Variants in FAM135B observed in about 807,000 individuals in gnomAD.
FAM135B encodes the protein family with sequence similarity 135 member B.
A neutral mutation model predicts 127.7 loss-of-function variants in FAM135B; 43 were observed. The observed-to-expected ratio is 0.34, with a 90% confidence interval of 0.26 to 0.43. The LOEUF (loss-of-function observed/expected upper bound fraction) is 0.43. Ranked by LOEUF, FAM135B falls within the 20% of genes least tolerant of loss-of-function variation. The pLI, the probability that FAM135B is intolerant of heterozygous loss-of-function variation, is 1.00. For synonymous variants in FAM135B, 670 were observed against 665.1 expected, an observed-to-expected ratio of 1.01 and a Z score of -0.11; for missense variants, 1,558 against 1,725.6, an observed-to-expected ratio of 0.90 and a Z score of 1.72.
intron 1 of FAM135B, among the ~76,000 whole-genome samples, chr8:138,401,351 T>C (rs1389550956): frequency 6.6e-6 from 1 of 152,236 alleles, no homozygotes; most frequent in East Asian, 1.9e-4. Context: ...CTACCATCAC[T>C]GCAACCTTAA....
chr8:138,178,666 C>T lies in FAM135B; in HGVS notation c.898G>A (p.Ala300Thr), dbSNP rs200925594. Reference sequence around the variant, plus strand: ...GCCAGATCCTTGCTTATCTGCTCAGCGATCTTCTCTGGATTGTTCAACATC... The same window carrying T: ...GCCAGATCCTTGCTTATCTGCTCAGTGATCTTCTCTGGATTGTTCAACATC... ...LQMLNNPEKI[A>T]EQISKDLAWL... Residue 300 changes from alanine to threonine, a missense_variant, in exon 10 of 20, where the codon GCT (alanine) becomes ACT (threonine). This residue lies in a region of FAM135B where 115 missense variants were observed against 171.1 expected (regional missense o/e 0.67). Coordinates refer to ENST00000395297, the MANE Select transcript of FAM135B (RefSeq NM_015912.4). 35 of 1,613,590 alleles carry T rather than the reference C, an allele frequency of 2.2e-5. No homozygotes were observed. Among genetic ancestry groups the T allele is most frequent in the Middle Eastern group, 3.3e-4 (2 of 6,052 alleles).
intron 1 of FAM135B, among the ~76,000 whole-genome samples, chr8:138,379,766 A>C (rs111367014): frequency 6.6e-6 from 1 of 152,168 alleles, no homozygotes; most frequent in African/African-American, 2.4e-5. Flanking sequence ...AGCACCTCAC[A>C]TTCATTGAGG....
intron 7 of FAM135B, among the ~76,000 whole-genome samples, chr8:138,236,548 G>A (rs904736112): frequency 1.3e-5 from 2 of 152,110 alleles, no homozygotes; most frequent in African/African-American, 4.8e-5. Context: ...GATGGCATCA[G>A]GCTCACTGAT....
intron 7 of FAM135B, among the ~76,000 whole-genome samples, chr8:138,227,993 T>C (rs1451772445): frequency 6.6e-6 from 1 of 152,208 alleles, no homozygotes; most frequent in East Asian, 1.9e-4. Context: ...CAGAAGGTTG[T>C]ACATTATAGC....
intron 2 of FAM135B, among the ~76,000 whole-genome samples, chr8:138,311,792 T>C (rs1826703267): frequency 6.6e-6 from 1 of 152,100 alleles, no homozygotes; most frequent in Admixed American, 6.5e-5. Context: ...CTGCTGGCAG[T>C]CTCTTGCTTG....
chr8:138,256,905 G>A, intron 4 of FAM135B, 146 bp from the exon 5 acceptor site: 1 of 670,904 alleles, frequency 1.5e-6, no homozygotes, highest in South Asian at 1.8e-5. Context: ...TTCCATGCAT[G>A]TTTCATGGAG....
In FAM135B at chr8:138,139,021, C is replaced by T. The variant is rs2130564193; in HGVS notation, c.3866G>A (p.Arg1289His). 5 of 1,613,602 alleles carry T rather than the reference C, an allele frequency of 3.1e-6. No homozygotes were observed. The highest frequency in any genetic ancestry group is 1.1e-5 in the South Asian group (1 of 91,074). ...QLTFRDNADL[R>H]KCFLYQLSQK... ...GCTTAGTTGGTAGAGGAAACATTTG[C>T]GCAAATCAGCATTATCCCTGAAGGT... The change falls in exon 18 of 20, where the codon CGC becomes CAC. Residue 1289 changes from arginine to histidine, a missense_variant. Physicochemically the swap from Arg to His is conservative, Grantham distance 29 (BLOSUM62 0). Around this residue, in one of 5 missense-constraint regions of FAM135B, gnomAD observed 194 missense variants for 333.8 expected, o/e 0.58. Coordinates refer to ENST00000395297, the MANE Select transcript of FAM135B (RefSeq NM_015912.4).
intron 6 of FAM135B, among the ~76,000 whole-genome samples, chr8:138,250,407 A>T (rs1821610307): frequency 6.6e-6 from 1 of 152,142 alleles, no homozygotes; most frequent in Non-Finnish European, 1.5e-5. Context: ...ATTTGAACAA[A>T]TAACAACTTG....
chr8:138,362,356 T>C (rs1242897186), intron 2 of FAM135B, among the ~76,000 whole-genome samples: 3 of 143,550 alleles, frequency 2.1e-5, no homozygotes, highest in African/African-American at 7.6e-5. Flanking sequence ...CATCTGATCA[T>C]CTCCTCAAGT....
chr8:138,185,040 C>T (rs1815421855), intron 9 of FAM135B, among the ~76,000 whole-genome samples: 1 of 152,182 alleles, frequency 6.6e-6, no homozygotes, highest in Non-Finnish European at 1.5e-5. Context: ...TCAATAAGCT[C>T]AGAGTCGCCC....
At chr8:138,434,265 G>A (rs1835349102) in intron 1 of FAM135B, among the ~76,000 whole-genome samples, 1 of 152,132 alleles carries the variant, frequency 6.6e-6, no homozygotes, top group Non-Finnish European at 1.5e-5. Flanking sequence ...TGAATCTAAT[G>A]TTGTTTCTGA....
intron 3 of FAM135B, among the ~76,000 whole-genome samples, chr8:138,267,491 A>G (rs1313580739): frequency 6.6e-6 from 1 of 151,662 alleles, no homozygotes; most frequent in African/African-American, 2.4e-5. Flanking sequence ...AAAGAATAAA[A>G]TGCATCTATT....
chr8:138,302,194 G>T (rs373715580), intron 3 of FAM135B, among the ~76,000 whole-genome samples: 1 of 152,042 alleles, frequency 6.6e-6, no homozygotes, highest in East Asian at 1.9e-4. Flanking sequence ...TTCCAAGGAG[G>T]GGGGTGAGGA....
At chr8:138,279,890 A>G (rs766556402) in intron 3 of FAM135B, among the ~76,000 whole-genome samples, 2 of 152,208 alleles carry the variant, frequency 1.3e-5, no homozygotes, top group African/African-American at 2.4e-5. Flanking sequence ...TAGATGCTCA[A>G]AAAGTTGCCA....
intron 17 of FAM135B, among the ~76,000 whole-genome samples, chr8:138,140,750 A>G (rs752099053): frequency 2.0e-5 from 3 of 152,092 alleles, no homozygotes; most frequent in Non-Finnish European, 4.4e-5. Context: ...CATATACACA[A>G]ACACAGATAC....
intron 1 of FAM135B, among the ~76,000 whole-genome samples, chr8:138,376,791 T>A (rs1329611085): frequency 6.6e-6 from 1 of 152,224 alleles, no homozygotes; most frequent in African/African-American, 2.4e-5. Context: ...TCACTCATCA[T>A]CAGTAGCAAT....
At chr8:138,226,184 T>TGTGCGC in intron 7 of FAM135B, among the ~76,000 whole-genome samples, 23 of 139,290 alleles carry the variant, frequency 1.7e-4, no homozygotes, top group African/African-American at 5.1e-4. Flanking sequence ...TGTGTGTGTG[T>TGTGCGC]GCGCGCATGT....
chr8:138,154,554 T>C (rs1183847693), intron 12 of FAM135B, among the ~76,000 whole-genome samples: 1 of 152,072 alleles, frequency 6.6e-6, no homozygotes, highest in Non-Finnish European at 1.5e-5. Flanking sequence ...GAAAAAAGAT[T>C]AGACAAATGG....
intron 12 of FAM135B, among the ~76,000 whole-genome samples, chr8:138,160,839 T>TC (rs58510292): frequency 0.68 from 103,734 of 151,994 alleles, 35,450 homozygotes; most frequent in East Asian, 0.76. Flanking sequence ...TTTTAACTTA[T>TC]CAAAGTATGT....
Sources: gnomAD v4.1 joint callset for allele counts (sites outside exome capture counted in the v4.1 genomes callset) on GRCh38, gnomAD v4.1.1 for gene constraint, gnomAD v4.1.1 regional missense constraint, MANE v1.5 for transcripts, NCBI Gene and HGNC (gene_info 2026-07-23, HGNC 2026-07-21) for gene names.